The following DEPDC1B variants were observed in gnomAD, a reference collection of about 807,000 sequenced individuals.
The protein encoded by DEPDC1B is DEP domain-containing protein 1B.
Under a neutral mutation model 66.5 loss-of-function variants are expected in DEPDC1B, and 51 were observed. The ratio of observed to expected loss-of-function variants is 0.77; its 90% confidence interval spans 0.61 to 0.97. DEPDC1B has a LOEUF of 0.97. DEPDC1B is among the 50% of genes least tolerant of loss of function. DEPDC1B has a pLI of 0.00. For synonymous variants in DEPDC1B, 226 were observed against 223.6 expected, an observed-to-expected ratio of 1.01 and a Z score of -0.10; for missense variants, 552 against 637.1, an observed-to-expected ratio of 0.87 and a Z score of 1.44.
chr5:60,674,311 A>G (rs1482628480), intron 2 of DEPDC1B, among the ~76,000 whole-genome samples: 2 of 152,242 alleles, frequency 1.3e-5, no homozygotes, highest in Non-Finnish European at 2.9e-5. Context: ...ACATTATAAA[A>G]CAAAAGTCTA....
At position 60,638,845 on chromosome 5, in the gene DEPDC1B, T is replaced by C; in HGVS notation, c.803A>G (p.Glu268Gly). ...AGCTATGGTTTTAAAGACATCTTTT[T>C]CAAATCCCAAGTACATAGGCTGCTT... ...DLKQPMYLGF[E>G]KDVFKTIADY... The change falls in exon 7 of 11, where the codon GAA (glutamate) becomes GGA (glycine). Residue 268 changes from glutamate (E) to glycine (G), a missense_variant. Transcript: ENST00000265036. 1 of 1,613,406 alleles carries C rather than the reference T, an allele frequency of 6.2e-7. No homozygotes were observed.
rs149549270 is a variant in DEPDC1B at position 60,603,505 on chromosome 5, T to C, written c.1128A>G (p.Leu376=). The change falls in exon 9 of 11, where the codon TTA becomes TTG. Residue 376 remains leucine (L), a synonymous_variant. Transcript: ENST00000265036. ...GAAACGTTACCAATCTAGCAGCTAA[T>C]AACTCATCCAAGTCCACTTCATCCT... ...CSKDEVDLDE[L]LAARLVTFLM... is the part of the protein sequence containing the mutation. The C allele has an allele frequency of 6.3e-5, 101 of 1,611,606 alleles. No homozygotes were observed. In the African/African-American group the frequency reaches 1.1e-3, roughly 18 times the overall value.
intron 7 of DEPDC1B, among the ~76,000 whole-genome samples, chr5:60,637,371 C>T (rs532810311): frequency 6.6e-6 from 1 of 152,242 alleles, no homozygotes; most frequent in South Asian, 2.1e-4. Flanking sequence ...TGGTCCTGCT[C>T]CCGCCATGTA....
intron 1 of DEPDC1B, among the ~76,000 whole-genome samples, chr5:60,691,077 G>A (rs961368415): frequency 1.3e-5 from 2 of 148,248 alleles, no homozygotes; most frequent in African/African-American, 2.5e-5. Context: ...TTTTTGAGAC[G>A]GAGTCTCACC....
At chr5:60,697,348 G>GA (rs1258727975) in intron 1 of DEPDC1B, among the ~76,000 whole-genome samples, 1 of 152,116 alleles carries the variant, frequency 6.6e-6, no homozygotes, top group Non-Finnish European at 1.5e-5. Context: ...CATGAAAGGA[G>GA]AAAATAAAGG....
intron 10 of DEPDC1B, 101 bp from the exon 11 acceptor site, chr5:60,598,015 T>G: frequency 1.1e-6 from 1 of 948,578 alleles, no homozygotes. Context: ...TATTTTCCTG[T>G]TTTTGTTTAT....
intron 7 of DEPDC1B, among the ~76,000 whole-genome samples, chr5:60,632,312 C>A (rs1460347796): frequency 6.6e-6 from 1 of 152,172 alleles, no homozygotes; most frequent in Non-Finnish European, 1.5e-5. Flanking sequence ...GGCTGCCAGG[C>A]ATCATCCCAG....
chr5:60,694,092 A>G (rs1272682377), intron 1 of DEPDC1B, among the ~76,000 whole-genome samples: 1 of 152,132 alleles, frequency 6.6e-6, no homozygotes, highest in African/African-American at 2.4e-5. Context: ...TCATTGAAAC[A>G]AACAAATTAA....
intron 1 of DEPDC1B, among the ~76,000 whole-genome samples, chr5:60,697,232 T>C (rs894566638): frequency 2.0e-5 from 3 of 152,218 alleles, no homozygotes; most frequent in Non-Finnish European, 4.4e-5. Flanking sequence ...CATAACATTT[T>C]ACCTAATCCA....
intron 2 of DEPDC1B, among the ~76,000 whole-genome samples, chr5:60,676,446 C>T (rs1754162401): frequency 1.3e-5 from 2 of 152,212 alleles, no homozygotes; most frequent in Admixed American, 6.5e-5. Flanking sequence ...GCTAAGACTA[C>T]AGGCGCATGG....
chr5:60,616,908 A>AG lies in DEPDC1B; in HGVS notation c.899-11053dup, dbSNP rs574729690. 2.0e-5 allele frequency among the ~76,000 whole-genome samples: 3 copies of AG among 152,236 alleles called. No homozygotes were observed. In the South Asian group the frequency reaches 6.2e-4, roughly 31 times the overall value. ...GAGAGAAAGGTCAGGTTACCCACAAAGGGAAGCCCATTAGACTAACAGCTG... is the reference window on the plus strand; with the variant it reads ...GAGAGAAAGGTCAGGTTACCCACAAAGGGGAAGCCCATTAGACTAACAGCTG... On this transcript the variant is annotated intron_variant, in intron 7 of 10. Transcript: ENST00000265036.
chr5:60,628,615 C>G (rs957826187), intron 7 of DEPDC1B: 1 of 152,140 alleles, frequency 6.6e-6, no homozygotes, highest in African/African-American at 2.4e-5. Context: ...AAGAAAGACA[C>G]AGCAAGAGGA....
At chr5:60,623,028 T>C (rs1182267754) in intron 7 of DEPDC1B, among the ~76,000 whole-genome samples, 1 of 152,172 alleles carries the variant, frequency 6.6e-6, no homozygotes, top group Non-Finnish European at 1.5e-5. Context: ...TATTTTATGG[T>C]TATGTTTTCT....
At chr5:60,699,066 G>C (rs548620602) in intron 1 of DEPDC1B, among the ~76,000 whole-genome samples, 1 of 152,240 alleles carries the variant, frequency 6.6e-6, no homozygotes, top group East Asian at 1.9e-4. Flanking sequence ...TCCAGAAGCT[G>C]GCCTTCTCAG....
chr5:60,624,093 A>G (rs1476678255), intron 7 of DEPDC1B, among the ~76,000 whole-genome samples: 1 of 152,166 alleles, frequency 6.6e-6, no homozygotes, highest in African/African-American at 2.4e-5. Context: ...GAAAGCATTC[A>G]GTCTACCACC....
chr5:60,644,176 C>T (rs1753256536), intron 5 of DEPDC1B, among the ~76,000 whole-genome samples: 1 of 152,138 alleles, frequency 6.6e-6, no homozygotes, highest in Non-Finnish European at 1.5e-5. Context: ...AGTACCCTAA[C>T]CACATTTTTA....
chr5:60,678,572 A>G (rs1402948965), intron 2 of DEPDC1B, among the ~76,000 whole-genome samples: 1 of 152,234 alleles, frequency 6.6e-6, no homozygotes, highest in Non-Finnish European at 1.5e-5. Flanking sequence ...AGATATCATT[A>G]GTATTTTTAT....
At chr5:60,684,700 G>A (rs1754373058) in intron 2 of DEPDC1B, among the ~76,000 whole-genome samples, 1 of 152,100 alleles carries the variant, frequency 6.6e-6, no homozygotes. Context: ...TTATGGGTAA[G>A]ACTACAAAAG....
chr5:60,642,768 A>G (rs1280445310), intron 6 of DEPDC1B, 44 bp downstream of exon 6: 5 of 1,551,086 alleles, frequency 3.2e-6, no homozygotes, highest in Non-Finnish European at 4.4e-6. Context: ...TTAGGGCACT[A>G]ATTTCTGTTA....
Sources: gnomAD v4.1 joint callset for allele counts (sites outside exome capture counted in the v4.1 genomes callset) on GRCh38, gnomAD v4.1.1 for gene constraint, MANE v1.5 for transcripts, NCBI Gene and HGNC (gene_info 2026-07-23, HGNC 2026-07-21) for gene names.